MAP3K3: variants seen among roughly 807,000 people sequenced by gnomAD.
The protein encoded by MAP3K3 is mitogen-activated protein kinase kinase kinase 3, also known as MAP/ERK kinase kinase 3.
MAP3K3 carries 12 observed loss-of-function variants against 80.9 expected under a neutral mutation model. The observed-to-expected ratio is 0.15, with a 90% confidence interval of 0.10 to 0.24. The LOEUF (loss-of-function observed/expected upper bound fraction) is 0.24, where lower values mean the gene tolerates loss of function less well. Among genes scored for constraint, MAP3K3 ranks in the 10% least tolerant of loss-of-function variants. The pLI, the probability that MAP3K3 is intolerant of heterozygous loss-of-function variation, is 1.00. For missense variants in MAP3K3, 596 were observed against 834.7 expected (o/e 0.71, Z 3.52); for synonymous variants, 272 against 307.1 (o/e 0.89, Z 1.19).
chr17:63,664,132 A>C (rs1013684656), intron 5 of MAP3K3, among the ~76,000 whole-genome samples: 1 of 150,644 alleles, frequency 6.6e-6, no homozygotes, highest in African/African-American at 2.4e-5. Flanking sequence ...CTGTAGTCCC[A>C]GCTACTTGGG....
At chr17:63,650,642 C>G (rs1439977046) in intron 3 of MAP3K3, among the ~76,000 whole-genome samples, 1 of 147,756 alleles carries the variant, frequency 6.8e-6, no homozygotes, top group Non-Finnish European at 1.5e-5. Flanking sequence ...AAGACCTTCT[C>G]TCTCTCTGTC....
chr17:63,630,971 G>A (rs992418220), intron 1 of MAP3K3, among the ~76,000 whole-genome samples: 2 of 152,028 alleles, frequency 1.3e-5, no homozygotes, highest in East Asian at 1.9e-4. Context: ...AGCAGATTTC[G>A]TCTAGGAAGA....
rs2035528749 is a variant in MAP3K3 at position 63,689,216 on chromosome 17, C to T, written c.872-328C>T. On this transcript the variant is annotated intron_variant, in intron 10 of 15. Coordinates refer to ENST00000361733, the MANE Select transcript of MAP3K3 (RefSeq NM_002401.5). The surrounding 1 kb of genome is among the most constrained non-coding windows in gnomAD (Gnocchi z 4.3). ...GAGTAGGATACAAGGAAATCAGTGC[C>T]TTCGGGTGTGGCTTGGCCTTGCAAG... 3.8e-6 allele frequency: 2 copies of T among 529,408 alleles called. No individual in the cohort carries two copies. Among genetic ancestry groups the T allele is most frequent in the Admixed American group, 3.4e-5 (1 of 29,562 alleles). 32.8% of individuals were successfully genotyped at this position (529,408 alleles called of 1,614,324 possible).
At chr17:63,680,874 A>G (rs2035318133) in intron 6 of MAP3K3, among the ~76,000 whole-genome samples, 1 of 151,078 alleles carries the variant, frequency 6.6e-6, no homozygotes, top group Non-Finnish European at 1.5e-5. Flanking sequence ...GCAAATGCTT[A>G]CCTCTCAGGA....
chr17:63,632,889 T>C lies in MAP3K3; in HGVS notation c.126+87T>C, dbSNP rs1598061602. On this transcript the variant is annotated intron_variant, in intron 2 of 15. Transcript: ENST00000361733. The stretch of plus-strand genomic sequence containing the variant: ...TATACGAAAAGCCAAGGAGACTACA[T>C]TACCAGGGTTGAATGCTTTTGACCC... The C allele has an allele frequency of 7.7e-6, 12 of 1,550,086 alleles. No individual in the cohort carries two copies. The East Asian group carries it at 2.7e-4, about 35-fold the overall frequency.
rs138669507 is a variant in MAP3K3 at position 63,678,386 on chromosome 17, G to A, written c.503-3380G>A. On this transcript the variant is annotated intron_variant, in intron 6 of 15. Coordinates refer to ENST00000361733, the MANE Select transcript of MAP3K3 (RefSeq NM_002401.5). ...ACAAATTCTCTTCCATGGGCTGTTTGAGACCATTGCAAAGGCATGGCTCAG... is the reference window on the plus strand; with the variant it reads ...ACAAATTCTCTTCCATGGGCTGTTTAAGACCATTGCAAAGGCATGGCTCAG... Among the ~76,000 whole-genome samples the A allele has an allele frequency of 5.7e-3, 861 of 152,318 alleles. 10 individuals carry two copies. The highest frequency in any genetic ancestry group is 0.019 in the African/African-American group (780 of 41,564).
intron 6 of MAP3K3, among the ~76,000 whole-genome samples, chr17:63,673,699 A>C (rs940246826): frequency 6.6e-6 from 1 of 151,946 alleles, no homozygotes; most frequent in African/African-American, 2.4e-5. Flanking sequence ...TCACCTGAGG[A>C]TGGGAGTTCA....
chr17:63,685,482 G>A, intron 7 of MAP3K3, 35 bp from the exon 8 acceptor site: 2 of 1,561,242 alleles, frequency 1.3e-6, no homozygotes, highest in South Asian at 1.1e-5. Flanking sequence ...AATTGGGGCT[G>A]GGGGTGTGGC....
chr17:63,634,251 C>T (rs1341900536), intron 2 of MAP3K3, among the ~76,000 whole-genome samples: 1 of 152,210 alleles, frequency 6.6e-6, no homozygotes, highest in African/African-American at 2.4e-5. Context: ...AGCCTAATGA[C>T]CTCACTTTCC....
At chr17:63,642,734 C>T (rs1275175303) in intron 2 of MAP3K3, among the ~76,000 whole-genome samples, 3 of 152,018 alleles carry the variant, frequency 2.0e-5, no homozygotes, top group East Asian at 1.9e-4. Context: ...TTTTTAACCT[C>T]GTTTTTTTGT....
At chr17:63,633,186 C>A (rs1004804972) in intron 2 of MAP3K3, among the ~76,000 whole-genome samples, 5 of 151,642 alleles carry the variant, frequency 3.3e-5, no homozygotes, top group Non-Finnish European at 5.9e-5. Flanking sequence ...CGAGATAGCA[C>A]CACTGCACTC....
At chr17:63,659,902 G>T (rs1030299373) in intron 5 of MAP3K3, among the ~76,000 whole-genome samples, 1 of 152,072 alleles carries the variant, frequency 6.6e-6, no homozygotes, top group Non-Finnish European at 1.5e-5. Context: ...TAAATTATAA[G>T]GCTACAGTTT....
chr17:63,632,654 T>A (rs778340165), intron 1 of MAP3K3, 27 bp from the exon 2 acceptor site: 1 of 1,613,100 alleles, frequency 6.2e-7, no homozygotes, highest in South Asian at 1.1e-5. Context: ...TTAAGTGTCT[T>A]AGTCCATGTG....
At chr17:63,623,243 T>C (rs1401727683) in intron 1 of MAP3K3, among the ~76,000 whole-genome samples, 1 of 152,062 alleles carries the variant, frequency 6.6e-6, no homozygotes, top group Non-Finnish European at 1.5e-5. Flanking sequence ...CTGTGAGAGT[T>C]CCCGGGGCTT....
chr17:63,632,583 C>A, intron 1 of MAP3K3, 98 bp from the exon 2 acceptor site: 1 of 1,397,148 alleles, frequency 7.2e-7, no homozygotes, highest in Non-Finnish European at 9.8e-7. Context: ...GTCATTTTAC[C>A]TGGGCAGAAC....
intron 7 of MAP3K3, among the ~76,000 whole-genome samples, chr17:63,684,923 G>A (rs895174547): frequency 3.3e-5 from 5 of 152,116 alleles, no homozygotes; most frequent in African/African-American, 1.2e-4. Flanking sequence ...GATTCCAAAG[G>A]CCTTTTGTTG....
intron 1 of MAP3K3, among the ~76,000 whole-genome samples, chr17:63,624,926 T>G (rs549080632): frequency 1.4e-4 from 22 of 152,346 alleles, no homozygotes; most frequent in African/African-American, 4.8e-4. Flanking sequence ...ACACAGTCTC[T>G]CTCTTAAATA....
chr17:63,688,413 C>G, intron 8 of MAP3K3, 114 bp from the exon 9 acceptor site: 2 of 816,028 alleles, frequency 2.5e-6, no homozygotes, highest in East Asian at 2.5e-5. Context: ...CCCGCAAAAT[C>G]TGCTTCCCCC....
chr17:63,663,913 T>C (rs1192175633), intron 5 of MAP3K3, among the ~76,000 whole-genome samples: 1 of 152,024 alleles, frequency 6.6e-6, no homozygotes. Context: ...GTGGCATCTA[T>C]TATTCTGAAA....
Sources: gnomAD v4.1 joint callset for allele counts (sites outside exome capture counted in the v4.1 genomes callset) on GRCh38, gnomAD v4.1.1 for gene constraint, Gnocchi (gnomAD v3.1) non-coding constraint, MANE v1.5 for transcripts, NCBI Gene and HGNC (gene_info 2026-07-23, HGNC 2026-07-21) for gene names.